The following ACAP2 variants were observed in gnomAD, a reference collection of about 807,000 sequenced individuals.
ACAP2 encodes the protein arf-GAP with coiled-coil, ANK repeat and PH domain-containing protein 2.
Under a neutral mutation model 115.8 loss-of-function variants are expected in ACAP2, and 39 were observed. The observed-to-expected ratio is 0.34, with a 90% CI of 0.26 to 0.44. The LOEUF (loss-of-function observed/expected upper bound fraction) is 0.44, where lower values mean the gene tolerates loss of function less well. Ranked by LOEUF, ACAP2 falls within the 20% of genes least tolerant of loss-of-function variation. The pLI, the probability that ACAP2 is intolerant of heterozygous loss-of-function variation, is 1.00. For missense variants in ACAP2, 662 were observed against 927.6 expected, an observed-to-expected ratio of 0.71 and a Z score of 3.72; for synonymous variants, 289 against 315.8, an observed-to-expected ratio of 0.92 and a Z score of 0.90.
chr3:195,288,144 T>C (rs1188320349), intron 21 of ACAP2, among the ~76,000 whole-genome samples: 1 of 152,012 alleles, frequency 6.6e-6, no homozygotes, highest in African/African-American at 2.4e-5. Flanking sequence ...ACTGGTTTTC[T>C]GTTTCTGTAT....
chr3:195,325,414 A>ATTTTTTT (rs746254101), intron 9 of ACAP2: 18 of 321,584 alleles, frequency 5.6e-5, no homozygotes, highest in African/African-American at 4.0e-4. Context: ...TAGTGGACTG[A>ATTTTTTT]TTTTTTTTTT....
intron 17 of ACAP2, chr3:195,295,374 G>GA: frequency 1.1e-6 from 1 of 931,030 alleles, no homozygotes; most frequent in South Asian, 1.5e-5. Context: ...ACGTTACTGG[G>GA]AAAAAATTTA....
At chr3:195,325,667 G>A (rs1729747453) in intron 9 of ACAP2, among the ~76,000 whole-genome samples, 1 of 151,912 alleles carries the variant, frequency 6.6e-6, no homozygotes, top group South Asian at 2.1e-4. Flanking sequence ...TGTTTATTAA[G>A]TAATTCAATT....
intron 12 of ACAP2, 116 bp from the exon 13 acceptor site, chr3:195,306,732 T>C (rs546301381): frequency 5.6e-6 from 4 of 719,884 alleles, no homozygotes; most frequent in Non-Finnish European, 8.9e-6. Context: ...AAAATATATA[T>C]AATTTGTTGA....
In ACAP2 at chr3:195,348,995, G is replaced by A. The variant is rs545330291; in HGVS notation, c.286-3678C>T. Reference sequence around the variant, plus strand: ...CAAGAAATAAAAAGCATACAGATTAGAAAGGAAGAATATAAAATTGTCTTT... The same window carrying A: ...CAAGAAATAAAAAGCATACAGATTAAAAAGGAAGAATATAAAATTGTCTTT... On this transcript the variant is annotated intron_variant, in intron 4 of 22. Coordinates refer to ENST00000326793, the MANE Select transcript of ACAP2 (RefSeq NM_012287.6). Among the ~76,000 whole-genome samples, 12 of 152,172 alleles carry A rather than the reference G, an allele frequency of 7.9e-5. No homozygotes were observed. In the East Asian group the frequency reaches 1.3e-3, roughly 17 times the overall value.
intron 4 of ACAP2, among the ~76,000 whole-genome samples, chr3:195,378,365 C>G (rs1210035943): frequency 1.3e-5 from 2 of 151,946 alleles, no homozygotes; most frequent in East Asian, 1.9e-4. Flanking sequence ...GGTGGCACGT[C>G]CCTATAGTCC....
rs1265295853 is a variant in ACAP2, at chr3:195,301,288, G to A, written c.1395+287C>T. On this transcript the variant is annotated intron_variant, in intron 15 of 22. Transcript: ENST00000326793. ...TTTTTAGTAGAGACGGGGTTTCACC[G>A]TGTTAGCCAGGATGGTCTCGATCTC... Among the ~76,000 whole-genome samples, 6 of 152,048 alleles carry A rather than the reference G, an allele frequency of 3.9e-5. No individual in the cohort carries two copies. The East Asian group carries it at 5.8e-4, about 15-fold the overall frequency.
intron 9 of ACAP2, among the ~76,000 whole-genome samples, chr3:195,324,929 T>G (rs750675564): frequency 4.6e-5 from 7 of 152,134 alleles, no homozygotes; most frequent in South Asian, 2.1e-4. Context: ...TATTATGAAT[T>G]TGATCAAACA....
chr3:195,306,712 T>C, intron 12 of ACAP2, 96 bp from the exon 13 acceptor site: 2 of 859,028 alleles, frequency 2.3e-6, no homozygotes, highest in Non-Finnish European at 3.6e-6. Context: ...ATTTAATAAT[T>C]TTCTAGCCAA....
At chr3:195,404,964 C>CT (rs997453576) in intron 1 of ACAP2, among the ~76,000 whole-genome samples, 3 of 151,288 alleles carry the variant, frequency 2.0e-5, no homozygotes, top group East Asian at 3.9e-4. Flanking sequence ...CACCCGGCTA[C>CT]TTTTTTTTCT....
chr3:195,319,295 T>C (rs897245115), intron 10 of ACAP2, among the ~76,000 whole-genome samples: 4 of 152,200 alleles, frequency 2.6e-5, no homozygotes, highest in African/African-American at 9.6e-5. Context: ...GAATATGGGA[T>C]TGGATCTCCC....
rs185107329 is a variant in ACAP2 at position 195,312,521 on chromosome 3, T to C, written c.858-3684A>G. ...TCACTCTGTCACTCAGCCTGGAGTG[T>C]CGTGGTGCAATCACAGCTCACTGCA... On this transcript the variant is annotated intron_variant, in intron 10 of 22. Coordinates refer to ENST00000326793, the MANE Select transcript of ACAP2 (RefSeq NM_012287.6). 6.7e-3 allele frequency among the ~76,000 whole-genome samples: 1,025 copies of C among 152,238 alleles called. 6 individuals are homozygous for C. The highest frequency in any genetic ancestry group is 0.012 in the Non-Finnish European group (822 of 67,998).
chr3:195,376,386 T>G (rs1476164649), intron 4 of ACAP2, among the ~76,000 whole-genome samples: 2 of 152,048 alleles, frequency 1.3e-5, no homozygotes, highest in African/African-American at 4.8e-5. Context: ...AGACTCCATC[T>G]CAAAAAAGAT....
chr3:195,405,314 A>G (rs1712662445), intron 1 of ACAP2, among the ~76,000 whole-genome samples: 1 of 152,206 alleles, frequency 6.6e-6, no homozygotes, highest in Non-Finnish European at 1.5e-5. Context: ...AAAGGAACAC[A>G]TATACAAGCC....
intron 4 of ACAP2, among the ~76,000 whole-genome samples, chr3:195,379,715 G>A (rs941110347): frequency 6.6e-6 from 1 of 152,174 alleles, no homozygotes; most frequent in African/African-American, 2.4e-5. Flanking sequence ...ACAGTAAGAG[G>A]ATCACTTAAG....
chr3:195,312,318 G>A (rs79576451), intron 10 of ACAP2, among the ~76,000 whole-genome samples: 3,292 of 151,844 alleles, frequency 0.022, 117 homozygotes, highest in East Asian at 0.1. Context: ...GAAAATAAAT[G>A]GCAAAACAAA....
At chr3:195,305,555 G>C (rs1238785002) in intron 13 of ACAP2, among the ~76,000 whole-genome samples, 1 of 151,968 alleles carries the variant, frequency 6.6e-6, no homozygotes, top group Non-Finnish European at 1.5e-5. Flanking sequence ...AAAGATATGG[G>C]ATACAGGAAA....
At chr3:195,326,052 T>C (rs1729774743) in intron 9 of ACAP2, among the ~76,000 whole-genome samples, 1 of 152,320 alleles carries the variant, frequency 6.6e-6, no homozygotes, top group South Asian at 2.1e-4. Flanking sequence ...TTGTTTTCAT[T>C]TTTTTCCACT....
At chr3:195,399,242 G>A (rs1287877686) in intron 1 of ACAP2, among the ~76,000 whole-genome samples, 1 of 152,184 alleles carries the variant, frequency 6.6e-6, no homozygotes, top group Non-Finnish European at 1.5e-5. Flanking sequence ...AGTCTCCTCT[G>A]CATAGTTCTT....
Sources: allele counts gnomAD v4.1 joint callset (sites outside exome capture counted in the v4.1 genomes callset), GRCh38; gene constraint gnomAD v4.1.1; transcripts MANE v1.5; gene names NCBI Gene and HGNC (gene_info 2026-07-23, HGNC 2026-07-21).